ENTREP1: variants seen among roughly 807,000 people sequenced by gnomAD.
ENTREP1 encodes the protein endosomal transmembrane epsin interactor 1.
At chr9:69,325,285 CGGCCGCACCCT>C in the ENTREP1 span, 2 of 1,129,470 alleles carry the variant, frequency 1.8e-6, no homozygotes, top group East Asian at 4.1e-5. Flanking sequence ...CGGCCGCACC[CGGCCGCACCCT>C]TCCCCGTCCG....
chr9:69,354,118 GTATC>G, the ENTREP1 span, among the ~76,000 whole-genome samples: 1 of 151,974 alleles, frequency 6.6e-6, no homozygotes, highest in African/African-American at 2.4e-5. Flanking sequence ...GGCTCATCAA[GTATC>G]TAGGCATTGT....
chr9:69,377,887 C>A, the ENTREP1 span: 2 of 826,842 alleles, frequency 2.4e-6, no homozygotes, highest in African/African-American at 1.7e-5. Context: ...GGAACGTTAG[C>A]CCAATGAGTG....
the ENTREP1 span, among the ~76,000 whole-genome samples, chr9:69,370,522 C>T: frequency 6.6e-6 from 1 of 152,148 alleles, no homozygotes; most frequent in Non-Finnish European, 1.5e-5. Flanking sequence ...TGATGACAGG[C>T]TGCATCCAAA....
At chr9:69,375,963 A>T in the ENTREP1 span, 2 of 1,324,150 alleles carry the variant, frequency 1.5e-6, no homozygotes, top group Non-Finnish European at 2.1e-6. Flanking sequence ...ACCTCCCTCA[A>T]ACAATTAAGC....
the ENTREP1 span, among the ~76,000 whole-genome samples, chr9:69,368,042 A>C: frequency 1.5e-5 from 1 of 66,276 alleles, no homozygotes; most frequent in East Asian, 3.5e-4. Context: ...CTAAACGTTG[A>C]TTTTGTATCC....
At chr9:69,354,905 C>T in the ENTREP1 span, among the ~76,000 whole-genome samples, 1 of 152,188 alleles carries the variant, frequency 6.6e-6, no homozygotes, top group Non-Finnish European at 1.5e-5. Context: ...TTGATCCCCA[C>T]ACCATATCCA....
the ENTREP1 span, among the ~76,000 whole-genome samples, chr9:69,334,084 G>T: frequency 6.6e-6 from 1 of 152,180 alleles, no homozygotes; most frequent in African/African-American, 2.4e-5. Flanking sequence ...CTTGGCCAAG[G>T]TCTCATAGTT....
the ENTREP1 span, among the ~76,000 whole-genome samples, chr9:69,344,288 TAAA>T: frequency 2.0e-5 from 3 of 152,162 alleles, no homozygotes; most frequent in East Asian, 1.9e-4. Context: ...GTGTGTATGT[TAAA>T]AAACACCAAG....
chr9:69,383,465 G>A, the ENTREP1 span: 15 of 1,484,858 alleles, frequency 1.0e-5, no homozygotes, highest in African/African-American at 1.3e-4. Context: ...CCACTTCGTC[G>A]GAGAGCAGCT....
the ENTREP1 span, among the ~76,000 whole-genome samples, chr9:69,327,490 T>C: frequency 6.6e-6 from 1 of 152,226 alleles, no homozygotes; most frequent in African/African-American, 2.4e-5. Flanking sequence ...ACATAGCTAG[T>C]TTAGGATTCT....
the ENTREP1 span, among the ~76,000 whole-genome samples, chr9:69,372,939 A>G: frequency 2.0e-5 from 3 of 151,750 alleles, no homozygotes; most frequent in Non-Finnish European, 2.9e-5. Flanking sequence ...AGTGATGTTG[A>G]TAGTCTCTTC....
At chr9:69,347,304 T>C in the ENTREP1 span, among the ~76,000 whole-genome samples, 8 of 152,182 alleles carry the variant, frequency 5.3e-5, no homozygotes, top group Non-Finnish European at 8.8e-5. Context: ...GAAGCTCCAT[T>C]CTGGAGAGAA....
At chr9:69,351,552 G>GA in the ENTREP1 span, among the ~76,000 whole-genome samples, 1 of 152,166 alleles carries the variant, frequency 6.6e-6, no homozygotes, top group African/African-American at 2.4e-5. Context: ...GAGTAGCTGG[G>GA]ACTACAGACA....
the ENTREP1 span, among the ~76,000 whole-genome samples, chr9:69,336,855 C>T: frequency 6.6e-5 from 10 of 151,880 alleles, no homozygotes; most frequent in South Asian, 2.1e-4. Flanking sequence ...CCCGCCACTG[C>T]GCCCAGCTAA....
At chr9:69,387,134 C>T in the ENTREP1 span, 2 of 152,354 alleles carry the variant, frequency 1.3e-5, no homozygotes, top group East Asian at 1.9e-4. Context: ...AGAGTGGAGA[C>T]CCTGACTCTG....
At chr9:69,336,269 G>A in the ENTREP1 span, 10 of 1,574,522 alleles carry the variant, frequency 6.4e-6, no homozygotes, top group Non-Finnish European at 8.7e-6. Context: ...TGATACTCCT[G>A]GTATGTACTG....
the ENTREP1 span, chr9:69,383,515 T>C: frequency 6.5e-7 from 1 of 1,544,130 alleles, no homozygotes; most frequent in Non-Finnish European, 8.8e-7. Context: ...GACCATGGTA[T>C]GGAGAGGTGA....
At chr9:69,391,550 A>G in the ENTREP1 span, 5 of 1,519,084 alleles carry the variant, frequency 3.3e-6, no homozygotes, top group African/African-American at 5.5e-5. Flanking sequence ...TCAAAGGGCC[A>G]CATCTGGTAA....
the ENTREP1 span, among the ~76,000 whole-genome samples, chr9:69,341,265 C>G: frequency 6.6e-6 from 1 of 152,108 alleles, no homozygotes; most frequent in Non-Finnish European, 1.5e-5. Context: ...TTAGCATCAA[C>G]AATGAAGGTT....
Sources: allele counts gnomAD v4.1 joint callset (sites outside exome capture counted in the v4.1 genomes callset), GRCh38; gene constraint gnomAD v4.1.1; transcripts MANE v1.5; gene names NCBI Gene and HGNC (gene_info 2026-07-23, HGNC 2026-07-21).